The following SYN3 variants were observed in gnomAD, a reference collection of about 807,000 sequenced individuals.
SYN3 encodes the protein synapsin III.
In SYN3, 35 loss-of-function variants were observed where a neutral mutation model predicts 65.8. The observed-to-expected ratio is 0.53, with a 90% CI of 0.41 to 0.70. The LOEUF (loss-of-function observed/expected upper bound fraction) is 0.70, where lower values mean the gene tolerates loss of function less well. SYN3 is among the 30% of genes least tolerant of loss of function. SYN3 has a pLI of 0.00. For missense variants in SYN3, 680 were observed against 749.0 expected, an observed-to-expected ratio of 0.91 and a Z score of 1.08; for synonymous variants, 270 against 292.9, an observed-to-expected ratio of 0.92 and a Z score of 0.80.
At chr22:32,645,218 G>A (rs756933326) in intron 6 of SYN3, among the ~76,000 whole-genome samples, 2 of 152,110 alleles carry the variant, frequency 1.3e-5, no homozygotes, top group Admixed American at 6.5e-5. Flanking sequence ...GCTAAGGGCC[G>A]AGGAGGGCAG....
At chr22:32,788,391 A>G (rs908887894) in intron 6 of SYN3, among the ~76,000 whole-genome samples, 1 of 152,042 alleles carries the variant, frequency 6.6e-6, no homozygotes, top group South Asian at 2.1e-4. Context: ...AATACAAAAA[A>G]TTAGCTGGGC....
Position 32,518,288 on chromosome 22 carries a change from G to C in SYN3, c.1365C>G (p.Ser455Arg), listed in dbSNP as rs760468592. 8 of 1,610,664 alleles carry C rather than the reference G, an allele frequency of 5.0e-6. No homozygotes were observed. The highest frequency in any genetic ancestry group is 8.5e-7 in the Non-Finnish European group (1 of 1,178,088). ...GTGGGGAGAGCCTCTGTTGGGAGGG[G>C]CTTCCAGATCTCTGGGGCTGAGGAG... is the stretch of plus-strand genomic sequence containing the variant. ...AQSPQPQRSGSPSQQRLSPQG... is the reference protein window; with the variant it reads ...AQSPQPQRSGRPSQQRLSPQG... The change falls in exon 13 of 14, where the codon AGC becomes AGG. Residue 455 changes from serine (S) to arginine (R), a missense_variant. By Grantham distance (110) the Ser-to-Arg change is moderately radical. Coordinates refer to ENST00000358763, the MANE Select transcript of SYN3 (RefSeq NM_003490.4).
intron 6 of SYN3, among the ~76,000 whole-genome samples, chr22:32,695,562 TG>T (rs2060724552): frequency 6.6e-6 from 1 of 152,212 alleles, no homozygotes; most frequent in African/African-American, 2.4e-5. Context: ...GAGGTCAGTG[TG>T]GGTCACCAGA....
In SYN3 at chr22:32,734,513, G is replaced by GCAGA. The variant is rs6147593; in HGVS notation, c.711+130398_711+130401dup. On this transcript the variant is annotated intron_variant, in intron 6 of 13. Transcript: ENST00000358763. Reference sequence around the variant, plus strand: ...GGAGGAGCAGAGAAGAGGCAGGCAGGCAGACAGACAGACAGACAGACATCG... The same window carrying GCAGA: ...GGAGGAGCAGAGAAGAGGCAGGCAGGCAGACAGACAGACAGACAGACAGACATCG... Among the ~76,000 whole-genome samples the GCAGA allele has an allele frequency of 2.7e-3, 409 of 151,438 alleles. 2 individuals carry two copies. Among genetic ancestry groups the GCAGA allele is most frequent in the African/African-American group, 9.1e-3 (376 of 41,186 alleles).
chr22:32,702,983 A>T (rs1259277862), intron 6 of SYN3, among the ~76,000 whole-genome samples: 1 of 152,220 alleles, frequency 6.6e-6, no homozygotes, highest in Non-Finnish European at 1.5e-5. Context: ...CAAACTACAC[A>T]AGTAATTAGA....
At chr22:32,724,243 CT>C (rs2061159015) in intron 6 of SYN3, among the ~76,000 whole-genome samples, 1 of 151,316 alleles carries the variant, frequency 6.6e-6, no homozygotes, top group African/African-American at 2.4e-5. Context: ...GGGTACTTTT[CT>C]GTTTTGTTTT....
intron 6 of SYN3, among the ~76,000 whole-genome samples, chr22:32,784,030 A>T (rs2046133035): frequency 1.3e-5 from 2 of 152,212 alleles, no homozygotes; most frequent in Admixed American, 1.3e-4. Flanking sequence ...TGGAAAGGCA[A>T]TATAAGTGTT....
rs1025565778 is a variant in SYN3 at position 32,509,666 on chromosome 22, T to A, written c.*4026A>T. Among the ~76,000 whole-genome samples the A allele has an allele frequency of 5.3e-5, 8 of 152,178 alleles. No individual in the cohort carries two copies. The highest frequency in any genetic ancestry group is 3.3e-4 in the Admixed American group (5 of 15,278). On this transcript the variant is annotated 3_prime_UTR_variant, in exon 14 of 14. Coordinates refer to ENST00000358763, the MANE Select transcript of SYN3 (RefSeq NM_003490.4). ...TCACTGCAAGCTCCGCCTCCCGGGT[T>A]CACGCCATTCTCCTGCCTCAGCCTC... is the stretch of plus-strand genomic sequence containing the variant.
chr22:32,853,092 T>C (rs1474266325), intron 6 of SYN3, among the ~76,000 whole-genome samples: 1 of 152,192 alleles, frequency 6.6e-6, no homozygotes, highest in Non-Finnish European at 1.5e-5. Flanking sequence ...CTTTAGTGGT[T>C]TGTCTAACCA....
chr22:32,923,819 T>G (rs1478312501), intron 4 of SYN3, among the ~76,000 whole-genome samples: 1 of 152,248 alleles, frequency 6.6e-6, no homozygotes, highest in African/African-American at 2.4e-5. Context: ...TCAATAGTTA[T>G]TTTTTCTGAT....
At chr22:32,763,179 C>T (rs1168943397) in intron 6 of SYN3, among the ~76,000 whole-genome samples, 3 of 150,836 alleles carry the variant, frequency 2.0e-5, no homozygotes, top group Non-Finnish European at 4.4e-5. Flanking sequence ...TGGAGTCTCA[C>T]TCTGTCGCCC....
intron 1 of SYN3, among the ~76,000 whole-genome samples, chr22:33,031,241 C>G (rs2053750456): frequency 6.6e-6 from 1 of 152,138 alleles, no homozygotes; most frequent in African/African-American, 2.4e-5. Context: ...CTCATCACAT[C>G]CAAGACAGAA....
intron 6 of SYN3, among the ~76,000 whole-genome samples, chr22:32,825,330 G>T (rs559453251): frequency 6.6e-6 from 1 of 152,154 alleles, no homozygotes; most frequent in Non-Finnish European, 1.5e-5. Context: ...AGAACTTCTA[G>T]ATCCAGAGGA....
At chr22:32,558,644 G>A (rs2058538890) in intron 7 of SYN3, among the ~76,000 whole-genome samples, 1 of 152,242 alleles carries the variant, frequency 6.6e-6, no homozygotes, top group Admixed American at 6.5e-5. Context: ...AGCTGGCAAA[G>A]TGCAGGTTTT....
intron 6 of SYN3, chr22:32,859,406 C>T: frequency 6.3e-7 from 1 of 1,597,288 alleles, no homozygotes; most frequent in Non-Finnish European, 8.5e-7. Flanking sequence ...CCTCACTTCC[C>T]TCCCTTCCCG....
intron 6 of SYN3, among the ~76,000 whole-genome samples, chr22:32,849,182 G>A (rs1304374502): frequency 6.6e-6 from 1 of 152,176 alleles, no homozygotes; most frequent in Non-Finnish European, 1.5e-5. Context: ...CAGGGTCGGC[G>A]GGGGTTGACT....
chr22:32,765,384 G>C (rs1213763019), intron 6 of SYN3, among the ~76,000 whole-genome samples: 1 of 152,134 alleles, frequency 6.6e-6, no homozygotes, highest in Non-Finnish European at 1.5e-5. Flanking sequence ...GATATCTCTG[G>C]CCAAGTCCTT....
rs199873334 is a variant in SYN3 at position 32,954,099 on chromosome 22, C to CAACAAAACAA, written c.370-22628_370-22619dup. Among the ~76,000 whole-genome samples, 1,066 of 145,344 alleles carry CAACAAAACAA rather than the reference C, an allele frequency of 7.3e-3. 6 individuals are homozygous for CAACAAAACAA. Among genetic ancestry groups the CAACAAAACAA allele is most frequent in the Middle Eastern group, 0.024 (7 of 288 alleles). ...TTCCTGAGAGAGTTGTACCCACACC[C>CAACAAAACAA]AACAAAACAAAACAAAACAAAACAA... On this transcript the variant is annotated intron_variant, in intron 3 of 13. Coordinates refer to ENST00000358763, the MANE Select transcript of SYN3 (RefSeq NM_003490.4).
intron 6 of SYN3, among the ~76,000 whole-genome samples, chr22:32,791,592 C>A (rs566515430): frequency 1.3e-5 from 2 of 151,380 alleles, no homozygotes; most frequent in African/African-American, 4.8e-5. Flanking sequence ...ATTTTCCAAA[C>A]GCTCGCCTTC....
Sources: allele counts gnomAD v4.1 joint callset (sites outside exome capture counted in the v4.1 genomes callset), GRCh38; gene constraint gnomAD v4.1.1; transcripts MANE v1.5; gene names NCBI Gene and HGNC (gene_info 2026-07-23, HGNC 2026-07-21).